The following AFTPH variants were observed in gnomAD, a reference collection of about 807,000 sequenced individuals.
AFTPH encodes aftiphilin protein.
In AFTPH, 7 loss-of-function variants were observed where a neutral mutation model predicts 72.5. The observed-to-expected ratio is 0.10, with a 90% CI of 0.05 to 0.18. AFTPH has a LOEUF of 0.18. Among genes scored for constraint, AFTPH ranks in the 10% least tolerant of loss-of-function variants. The pLI is 1.00. For synonymous variants in AFTPH, 337 were observed against 370.1 expected, an observed-to-expected ratio of 0.91 and a Z score of 1.03; for missense variants, 979 against 1,060.5, an observed-to-expected ratio of 0.92 and a Z score of 1.07.
chr2:64,553,283 G>T, exon 2 of AFTPH: 1 of 1,614,100 alleles, frequency 6.2e-7, no homozygotes, highest in Non-Finnish European at 8.5e-7. Flanking sequence ...AGGAAGCCTG[G>T]CAGTCACATA....
intron 2 of AFTPH, among the ~76,000 whole-genome samples, chr2:64,566,455 A>G (rs1240356002): frequency 1.3e-5 from 2 of 152,146 alleles, no homozygotes. Flanking sequence ...TCACTACACT[A>G]CAAAACAGAA....
chr2:64,592,013 C>G (rs1322338239), exon 9 of AFTPH: 1 of 1,613,088 alleles, frequency 6.2e-7, no homozygotes, highest in Admixed American at 1.7e-5. Flanking sequence ...TCCACAAGCT[C>G]TCAAGAAAAA....
chr2:64,577,642 T>C (rs772597497), intron 6 of AFTPH, among the ~76,000 whole-genome samples: 1 of 152,242 alleles, frequency 6.6e-6, no homozygotes, highest in Non-Finnish European at 1.5e-5. Context: ...TTGAATCTGC[T>C]AGAATGCTTA....
chr2:64,552,772 G>A (rs1309742628), exon 2 of AFTPH: 3 of 1,614,086 alleles, frequency 1.9e-6, no homozygotes, highest in Admixed American at 3.3e-5. Flanking sequence ...GATGATTTTG[G>A]TGATTTTGGT....
chr2:64,535,742 A>G (rs1222387199), intron 1 of AFTPH, among the ~76,000 whole-genome samples: 2 of 147,442 alleles, frequency 1.4e-5, no homozygotes, highest in African/African-American at 5.2e-5. Context: ...TTCTTTGGAC[A>G]TATAAGAACA....
chr2:64,571,272 CCT>C (rs71855159), intron 5 of AFTPH, among the ~76,000 whole-genome samples: 14,071 of 151,432 alleles, frequency 0.093, 1,799 homozygotes, highest in African/African-American at 0.28. Flanking sequence ...CCCCCACCCC[CCT>C]GTTTCTTTTT....
chr2:64,544,811 C>T (rs1028689822), intron 1 of AFTPH, among the ~76,000 whole-genome samples: 1 of 152,150 alleles, frequency 6.6e-6, no homozygotes, highest in African/African-American at 2.4e-5. Context: ...GTGGCACTCT[C>T]TTAGGTTTCT....
intron 8 of AFTPH, among the ~76,000 whole-genome samples, chr2:64,589,755 G>A (rs575080329): frequency 5.6e-4 from 85 of 152,172 alleles, no homozygotes; most frequent in Admixed American, 1.2e-3. Flanking sequence ...GTCCATTTAG[G>A]TGCGCATTTA....
intron 1 of AFTPH, among the ~76,000 whole-genome samples, chr2:64,544,558 C>A (rs1268650570): frequency 6.6e-6 from 1 of 152,032 alleles, no homozygotes; most frequent in Admixed American, 6.6e-5. Flanking sequence ...GTGTGCCAGA[C>A]ACAGTACTAA....
At chr2:64,561,494 TAGTG>T (rs1671740992) in intron 2 of AFTPH, among the ~76,000 whole-genome samples, 1 of 152,012 alleles carries the variant, frequency 6.6e-6, no homozygotes, top group South Asian at 2.1e-4. Flanking sequence ...CTTGGCAACA[TAGTG>T]AGACGCCATC....
At position 64,548,433 on chromosome 2, in the gene AFTPH, A is replaced by AACAC. The variant is rs1553397848; in HGVS notation, c.-32-3009_-32-3008insCACA. 2.0e-5 allele frequency among the ~76,000 whole-genome samples: 2 copies of AACAC among 102,542 alleles called. 1 individual carries two copies. The highest frequency in any genetic ancestry group is 4.3e-5 in the Non-Finnish European group (2 of 47,048). 67.3% of individuals were successfully genotyped at this position (102,542 alleles called of 152,430 possible). On this transcript the variant is annotated intron_variant, in intron 1 of 8. Coordinates refer to ENST00000238856, the Ensembl canonical transcript of AFTPH. ...AAAAAAAAAAAAAAAAAAAAAAAAA[A>AACAC]AACTTTAGAAAAAGGAATCCTGTAG...
At chr2:64,575,078 A>G (rs777840104) in intron 6 of AFTPH, among the ~76,000 whole-genome samples, 10 of 151,696 alleles carry the variant, frequency 6.6e-5, no homozygotes, top group Non-Finnish European at 1.3e-4. Context: ...CCACCTTACA[A>G]CCCCATAAAC....
At chr2:64,584,169 A>G (rs1673367256) in intron 7 of AFTPH, among the ~76,000 whole-genome samples, 1 of 151,822 alleles carries the variant, frequency 6.6e-6, no homozygotes, top group African/African-American at 2.4e-5. Flanking sequence ...GTACCAGGAG[A>G]GTGTAGGATT....
chr2:64,561,355 A>G (rs957863475), intron 2 of AFTPH, among the ~76,000 whole-genome samples: 1 of 152,202 alleles, frequency 6.6e-6, no homozygotes, highest in Non-Finnish European at 1.5e-5. Flanking sequence ...TTTCCTCTTT[A>G]TACTTTGAAG....
intron 6 of AFTPH, among the ~76,000 whole-genome samples, chr2:64,575,470 A>G (rs1672707105): frequency 6.6e-6 from 1 of 152,112 alleles, no homozygotes; most frequent in Admixed American, 6.6e-5. Context: ...TACAAAAATT[A>G]GCCAGGCATG....
At chr2:64,585,644 T>C in intron 8 of AFTPH, 99 bp downstream of exon 9, 1 of 1,343,570 alleles carries the variant, frequency 7.4e-7, no homozygotes, top group Middle Eastern at 2.2e-4. Context: ...ATATATTATA[T>C]CACAACTTGC....
At chr2:64,588,164 G>A (rs1275580643) in intron 8 of AFTPH, among the ~76,000 whole-genome samples, 3 of 152,046 alleles carry the variant, frequency 2.0e-5, no homozygotes, top group African/African-American at 7.2e-5. Context: ...TGTCTCTACA[G>A]ATTTGTCTTT....
chr2:64,532,390 C>G (rs1669676608), intron 1 of AFTPH, among the ~76,000 whole-genome samples: 1 of 152,042 alleles, frequency 6.6e-6, no homozygotes, highest in Non-Finnish European at 1.5e-5. Flanking sequence ...TCAAATTTGA[C>G]TTTTAAAAAG....
rs57995634 is a variant in AFTPH at position 64,548,407 on chromosome 2, G to GAA, written c.-32-3009_-32-3008dup. ...AGAGCGAGACTCCGTCTCAAAAAAA[G>GAA]AAAAAAAAAAAAAAAAAAAAAAAAA... On this transcript the variant is annotated intron_variant, in intron 1 of 8. Transcript: ENST00000238856. Among the ~76,000 whole-genome samples the GAA allele has an allele frequency of 2.2e-3, 129 of 59,988 alleles. 10 individuals are homozygous for GAA. The highest frequency in any genetic ancestry group is 5.5e-3 in the African/African-American group (91 of 16,470). 39.4% of individuals were successfully genotyped at this position (59,988 alleles called of 152,430 possible).
Sources: allele counts gnomAD v4.1 joint callset (sites outside exome capture counted in the v4.1 genomes callset), GRCh38; gene constraint gnomAD v4.1.1; transcripts MANE v1.5; gene names NCBI Gene and HGNC (gene_info 2026-07-23, HGNC 2026-07-21).